ANKFN1: variants seen among roughly 807,000 people sequenced by gnomAD.
The protein encoded by ANKFN1 is ankyrin repeat and fibronectin type III domain containing 1, also known as ankyrin repeat and fibronectin type-III domain-containing protein 1.
ANKFN1 carries 74 observed loss-of-function variants against 108.7 expected under a neutral mutation model. That is an observed-to-expected ratio of 0.68 (90% CI 0.56 to 0.83). ANKFN1 has a LOEUF of 0.83. ANKFN1 is among the 40% of genes least tolerant of loss of function. The pLI is 0.00. For missense variants in ANKFN1, 1,505 were observed against 1,382.3 expected (o/e 1.09, Z -1.41); for synonymous variants, 547 against 516.2 (o/e 1.06, Z -0.81).
chr17:56,076,577 G>T (rs1567782235), intron 4 of ANKFN1, among the ~76,000 whole-genome samples: 1 of 152,144 alleles, frequency 6.6e-6, no homozygotes, highest in Non-Finnish European at 1.5e-5. Context: ...TGCTGTGTTT[G>T]GATCCTGACT....
At chr17:56,419,118 C>T (rs2048324254) in intron 8 of ANKFN1, among the ~76,000 whole-genome samples, 1 of 152,330 alleles carries the variant, frequency 6.6e-6, no homozygotes, top group Admixed American at 6.5e-5. Flanking sequence ...AGGCAGTTGG[C>T]CAACCCCCAG....
chr17:56,392,127 G>T (rs115430529), intron 8 of ANKFN1, among the ~76,000 whole-genome samples: 1,686 of 152,142 alleles, frequency 0.011, 38 homozygotes, highest in African/African-American at 0.039. Context: ...TTCTCACAGC[G>T]TATCTTTAGG....
intron 8 of ANKFN1, among the ~76,000 whole-genome samples, chr17:56,426,074 A>G (rs2048558409): frequency 6.6e-6 from 1 of 152,228 alleles, no homozygotes; most frequent in Admixed American, 6.5e-5. Flanking sequence ...AAAATTCAAA[A>G]AATTCAATTA....
At chr17:56,367,877 A>G (rs1343798330) in intron 6 of ANKFN1, among the ~76,000 whole-genome samples, 4 of 152,230 alleles carry the variant, frequency 2.6e-5, no homozygotes, top group Non-Finnish European at 4.4e-5. Flanking sequence ...CCAATTTCAT[A>G]CCAAATAGAT....
rs538493177 is a variant in ANKFN1, at chr17:56,440,238, T to C, written c.911-89T>C. Reference sequence around the variant, plus strand: ...ACTTAACTCTTTCTGAGAGGGATTGTATGCTAGAGTTTCTATGGTACTTCT... The same window carrying C: ...ACTTAACTCTTTCTGAGAGGGATTGCATGCTAGAGTTTCTATGGTACTTCT... On this transcript the variant is annotated intron_variant, in intron 8 of 20. Transcript: ENST00000682825. 3,258 of 674,748 alleles carry C rather than the reference T, an allele frequency of 4.8e-3. 24 individuals are homozygous for C. The highest frequency in any genetic ancestry group is 8.1e-3 in the South Asian group (351 of 43,482). 41.8% of individuals were successfully genotyped at this position (674,748 alleles called of 1,614,324 possible).
At chr17:56,153,790 G>A (rs1432114431) in intron 1 of ANKFN1, among the ~76,000 whole-genome samples, 1 of 152,162 alleles carries the variant, frequency 6.6e-6, no homozygotes, top group African/African-American at 2.4e-5. Context: ...GAGGCTTCTA[G>A]AGACAAGTTT....
chr17:56,472,740 A>G (rs1263916768), intron 15 of ANKFN1: 1 of 152,254 alleles, frequency 6.6e-6, no homozygotes, highest in Non-Finnish European at 1.5e-5. Context: ...CAGTACAAAC[A>G]GTGTACTATG....
chr17:56,290,664 G>A (rs183425815), intron 3 of ANKFN1, among the ~76,000 whole-genome samples: 1 of 152,172 alleles, frequency 6.6e-6, no homozygotes, highest in Admixed American at 6.5e-5. Context: ...CTGTAAATAA[G>A]GATATCTCAG....
intron 2 of ANKFN1, among the ~76,000 whole-genome samples, chr17:56,226,028 A>G (rs1467582435): frequency 1.3e-5 from 2 of 152,172 alleles, no homozygotes; most frequent in African/African-American, 4.8e-5. Flanking sequence ...GAATGTTCCA[A>G]ATTTGTTTCC....
At chr17:56,507,642 C>T (rs924064677) in intron 20 of ANKFN1, among the ~76,000 whole-genome samples, 1 of 152,112 alleles carries the variant, frequency 6.6e-6, no homozygotes, top group African/African-American at 2.4e-5. Flanking sequence ...ACCACCCAAC[C>T]CAAATCAGGA....
At chr17:56,249,398 T>C (rs2043185992) in intron 3 of ANKFN1, among the ~76,000 whole-genome samples, 1 of 151,572 alleles carries the variant, frequency 6.6e-6, no homozygotes, top group South Asian at 2.1e-4. Flanking sequence ...CGCCCCACTG[T>C]GCTCCAGCCT....
chr17:56,436,678 A>C (rs559912703), intron 8 of ANKFN1, among the ~76,000 whole-genome samples: 83 of 152,108 alleles, frequency 5.5e-4, no homozygotes, highest in African/African-American at 1.8e-3. Context: ...AAATACAAAA[A>C]AATTAGCCAG....
chr17:56,087,595 A>T (rs1415836761), intron 4 of ANKFN1, among the ~76,000 whole-genome samples: 1 of 151,154 alleles, frequency 6.6e-6, no homozygotes, highest in African/African-American at 2.4e-5. Flanking sequence ...AAAAGTTCCC[A>T]TTGACCCACT....
intron 4 of ANKFN1, among the ~76,000 whole-genome samples, chr17:56,052,527 A>G (rs749340337): frequency 6.6e-5 from 10 of 152,376 alleles, no homozygotes; most frequent in East Asian, 3.9e-4. Flanking sequence ...TTTCTAAATG[A>G]TAACACTTCT....
At chr17:56,372,983 G>A (rs546847428) in intron 7 of ANKFN1, 143 bp downstream of exon 7, 60 of 833,166 alleles carry the variant, frequency 7.2e-5, no homozygotes, top group Non-Finnish European at 1.0e-4. Flanking sequence ...AGGGCTCTGA[G>A]AGGCTGTCAA....
intron 3 of ANKFN1, among the ~76,000 whole-genome samples, chr17:56,274,115 G>A (rs16968955): frequency 0.019 from 2,960 of 152,268 alleles, 86 homozygotes; most frequent in African/African-American, 0.067. Flanking sequence ...GGCATCCAAA[G>A]CATGGGAACT....
intron 3 of ANKFN1, among the ~76,000 whole-genome samples, chr17:56,273,111 C>A (rs1220143195): frequency 6.6e-6 from 1 of 152,182 alleles, no homozygotes; most frequent in Non-Finnish European, 1.5e-5. Flanking sequence ...CTCCGAATCT[C>A]TCTAAAAAAT....
In ANKFN1 at chr17:56,512,888, G is replaced by T. The variant is rs1488233901; in HGVS notation, c.*1619G>T. On this transcript the variant is annotated 3_prime_UTR_variant, in exon 21 of 21. Transcript: ENST00000682825. The stretch of plus-strand genomic sequence containing the variant: ...GAGCTCAGACTTTATTTTTTTAAGA[G>T]ATTTTATACTCAATGAAACCCTCAA... Among the ~76,000 whole-genome samples, 1 of 152,150 alleles carries T rather than the reference G, an allele frequency of 6.6e-6. No individual in the cohort carries two copies. The highest frequency in any genetic ancestry group is 1.5e-5 in the Non-Finnish European group (1 of 68,024).
At chr17:56,362,464 C>T (rs2046547525) in intron 6 of ANKFN1, among the ~76,000 whole-genome samples, 1 of 152,172 alleles carries the variant, frequency 6.6e-6, no homozygotes. Flanking sequence ...CGGTAAACTG[C>T]TTTTCAACAA....
Sources: allele counts gnomAD v4.1 joint callset (sites outside exome capture counted in the v4.1 genomes callset), GRCh38; gene constraint gnomAD v4.1.1; transcripts MANE v1.5; gene names NCBI Gene and HGNC (gene_info 2026-07-23, HGNC 2026-07-21).